Variants in MGAT4C observed in about 807,000 individuals in gnomAD.
The protein encoded by MGAT4C is MGAT4 family member C.
In MGAT4C, 19 loss-of-function variants were observed where a neutral mutation model predicts 40.1. The ratio of observed to expected loss-of-function variants is 0.47; its 90% CI spans 0.33 to 0.70. MGAT4C has a LOEUF of 0.70. Among genes scored for constraint, MGAT4C ranks in the 30% least tolerant of loss-of-function variants. MGAT4C has a pLI of 0.02. For synonymous variants in MGAT4C, 181 were observed against 187.1 expected (o/e 0.97, Z 0.27); for missense variants, 491 against 563.2 (o/e 0.87, Z 1.30).
intron 3 of MGAT4C, among the ~76,000 whole-genome samples, chr12:86,358,285 T>C (rs1955365585): frequency 6.6e-6 from 1 of 152,076 alleles, no homozygotes; most frequent in African/African-American, 2.4e-5. Context: ...ATATTGAGAT[T>C]TTGTCACCAC....
At chr12:86,134,113 T>C (rs1390732911) in intron 1 of MGAT4C, among the ~76,000 whole-genome samples, 2 of 152,146 alleles carry the variant, frequency 1.3e-5, no homozygotes, top group African/African-American at 4.8e-5. Context: ...ATGTTACTCA[T>C]AAATCGTGAC....
chr12:86,536,453 T>C (rs1229279662), intron 2 of MGAT4C, among the ~76,000 whole-genome samples: 6 of 152,168 alleles, frequency 3.9e-5, no homozygotes, highest in Non-Finnish European at 7.4e-5. Flanking sequence ...AGAGATATGA[T>C]AATTTAAAAC....
chr12:86,720,801 A>G (rs1039693942), intron 2 of MGAT4C, among the ~76,000 whole-genome samples: 17 of 152,212 alleles, frequency 1.1e-4, no homozygotes, highest in African/African-American at 4.1e-4. Flanking sequence ...TAGTCATTAT[A>G]AAGTAGAGGC....
chr12:86,607,921 G>C (rs1405114526), intron 2 of MGAT4C, among the ~76,000 whole-genome samples: 1 of 152,002 alleles, frequency 6.6e-6, no homozygotes, highest in Non-Finnish European at 1.5e-5. Context: ...TTGATTAGTT[G>C]ATTGATTGAG....
intron 1 of MGAT4C, among the ~76,000 whole-genome samples, chr12:86,209,824 T>G (rs959465222): frequency 1.3e-5 from 2 of 152,180 alleles, no homozygotes; most frequent in Non-Finnish European, 2.9e-5. Context: ...TTCTCTATTC[T>G]ACAATTATCC....
intron 3 of MGAT4C, among the ~76,000 whole-genome samples, chr12:86,415,486 G>C (rs777907552): frequency 6.6e-6 from 1 of 151,976 alleles, no homozygotes; most frequent in African/African-American, 2.4e-5. Context: ...AAAAGTGATG[G>C]AACAAGAGTT....
chr12:86,472,805 C>T (rs765242284), intron 2 of MGAT4C, among the ~76,000 whole-genome samples: 1 of 151,574 alleles, frequency 6.6e-6, no homozygotes, highest in Non-Finnish European at 1.5e-5. Context: ...TTTTGAGTCA[C>T]AGATATTTAA....
chr12:86,268,365 C>T lies in MGAT4C; in HGVS notation c.-57+65700G>A, dbSNP rs377473646. Among the ~76,000 whole-genome samples the T allele has an allele frequency of 7.2e-5, 11 of 152,002 alleles. No individual in the cohort carries two copies. In the East Asian group the frequency reaches 7.7e-4, roughly 11 times the overall value. On this transcript the variant is annotated intron_variant, in intron 4 of 7. Transcript: ENST00000548651. ...TCATTGTATTAATATATTCAACTGGCCCATCACAAAAGAGTTACTTACTAT... is the reference window on the plus strand; with the variant it reads ...TCATTGTATTAATATATTCAACTGGTCCATCACAAAAGAGTTACTTACTAT...
rs571744029 is a variant in MGAT4C, at chr12:86,701,613, C to A, written c.-229+25596G>T. 1.8e-4 allele frequency among the ~76,000 whole-genome samples: 28 copies of A among 152,064 alleles called. No homozygotes were observed. In the South Asian group the frequency reaches 5.4e-3, roughly 29 times the overall value. On this transcript the variant is annotated intron_variant, in intron 2 of 7. Coordinates refer to the MGAT4C transcript ENST00000548651. ...ATATTGAAATTAGGCCAATTAGCAA[C>A]CCTATAATGATCTCTAAGGGTTGAA... is the stretch of plus-strand genomic sequence containing the variant.
At chr12:86,681,632 T>C (rs956874838) in intron 2 of MGAT4C, among the ~76,000 whole-genome samples, 2 of 151,976 alleles carry the variant, frequency 1.3e-5, no homozygotes, top group East Asian at 1.9e-4. Context: ...ATCCTAATGA[T>C]ACAAGCAAAG....
intron 2 of MGAT4C, among the ~76,000 whole-genome samples, chr12:86,656,054 A>G (rs1270338414): frequency 6.6e-6 from 1 of 152,194 alleles, no homozygotes; most frequent in African/African-American, 2.4e-5. Flanking sequence ...TAATTATCAA[A>G]TTAATTGACT....
At chr12:86,270,485 T>C (rs1279471646) in intron 4 of MGAT4C, among the ~76,000 whole-genome samples, 2 of 152,168 alleles carry the variant, frequency 1.3e-5, no homozygotes, top group Admixed American at 1.3e-4. Context: ...TTGACTACTC[T>C]AGGAATTTCA....
intron 2 of MGAT4C, among the ~76,000 whole-genome samples, chr12:86,044,555 G>A (rs1892202464): frequency 6.6e-6 from 1 of 152,156 alleles, no homozygotes; most frequent in Non-Finnish European, 1.5e-5. Flanking sequence ...ACAGTGGGGT[G>A]AGTGACAGTG....
At chr12:86,295,577 G>A (rs921864281) in intron 4 of MGAT4C, among the ~76,000 whole-genome samples, 8 of 152,128 alleles carry the variant, frequency 5.3e-5, no homozygotes, top group Non-Finnish European at 1.2e-4. Context: ...CAGTGTGGAA[G>A]GGGACCCCAG....
chr12:86,583,706 T>A (rs1960888169), intron 2 of MGAT4C, among the ~76,000 whole-genome samples: 1 of 151,176 alleles, frequency 6.6e-6, no homozygotes, highest in African/African-American at 2.4e-5. Context: ...ATTCTATACA[T>A]AATGAGTTCA....
At chr12:86,484,638 G>A (rs1442283319) in intron 2 of MGAT4C, among the ~76,000 whole-genome samples, 2 of 152,242 alleles carry the variant, frequency 1.3e-5, no homozygotes, top group Non-Finnish European at 2.9e-5. Flanking sequence ...ACACTGAGAG[G>A]GGTGAGAAAT....
chr12:86,277,871 T>A (rs978597608), intron 4 of MGAT4C, among the ~76,000 whole-genome samples: 1 of 152,156 alleles, frequency 6.6e-6, no homozygotes, highest in African/African-American at 2.4e-5. Context: ...TAGCTTTGGC[T>A]GTTCTGGGGT....
Position 86,240,062 on chromosome 12 carries a change from AAAATT to A in MGAT4C, c.-57+16172_-57+16176del, listed in dbSNP as rs1481240540. ...AATAAAAAATAAAATAAAATAAAAT[AAAATT>A]ATATCTCTAATGCCTATTCTAATGT... On this transcript the variant is annotated intron_variant, in intron 1 of 4. Coordinates refer to ENST00000611864, the MANE Select transcript of MGAT4C (RefSeq NM_001351288.2). Among the ~76,000 whole-genome samples the A allele has an allele frequency of 8.6e-5, 13 of 150,636 alleles. No homozygotes were observed. The South Asian group carries it at 2.3e-3, about 27-fold the overall frequency.
chr12:86,099,132 T>C (rs998627233), intron 1 of MGAT4C, among the ~76,000 whole-genome samples: 2 of 151,406 alleles, frequency 1.3e-5, no homozygotes, highest in Non-Finnish European at 3.0e-5. Flanking sequence ...AATAACTCCT[T>C]TATTTATTAC....
Sources: allele counts gnomAD v4.1 joint callset (sites outside exome capture counted in the v4.1 genomes callset), GRCh38; gene constraint gnomAD v4.1.1; transcripts MANE v1.5; gene names NCBI Gene and HGNC (gene_info 2026-07-23, HGNC 2026-07-21).